CADM2: variants seen among roughly 807,000 people sequenced by gnomAD.
CADM2 encodes the protein immunoglobulin superfamily member 4D.
Under a neutral mutation model 49.8 loss-of-function variants are expected in CADM2, and 12 were observed. The observed-to-expected ratio is 0.24, with a 90% CI of 0.15 to 0.39. CADM2 has a LOEUF of 0.39. CADM2 is among the 10% of genes least tolerant of loss of function. CADM2 has a pLI of 1.00. For missense variants in CADM2, 378 were observed against 492.3 expected (o/e 0.77, Z 2.20); for synonymous variants, 214 against 175.4 (o/e 1.22, Z -1.74).
At chr3:85,070,038 C>T (rs570041750) in intron 1 of CADM2, among the ~76,000 whole-genome samples, 2 of 151,988 alleles carry the variant, frequency 1.3e-5, no homozygotes, top group African/African-American at 2.4e-5. Context: ...TCAACTTCTT[C>T]GAATTTTTTG....
intron 8 of CADM2, chr3:86,012,478 C>A: frequency 1.2e-6 from 1 of 862,490 alleles, no homozygotes; most frequent in Non-Finnish European, 1.6e-6. Flanking sequence ...CGACCTGGCT[C>A]TCCTCCGTGA....
At chr3:85,778,198 G>T (rs1462269772) in intron 2 of CADM2, among the ~76,000 whole-genome samples, 1 of 152,070 alleles carries the variant, frequency 6.6e-6, no homozygotes, top group African/African-American at 2.4e-5. Flanking sequence ...TTCGCCTGTT[G>T]AAAAGCATTA....
intron 1 of CADM2, among the ~76,000 whole-genome samples, chr3:85,118,744 TTTATTTATTTAC>T (rs2038737716): frequency 6.6e-6 from 1 of 152,132 alleles, no homozygotes. Flanking sequence ...TTTATTTATA[TTTATTTATTTAC>T]TTATTTATTT....
rs144075169 is a variant in CADM2 at position 85,590,927 on chromosome 3, A to ATTTT, written c.62-135588_62-135585dup. ...ATGAAATTTATTTATTTGGAAACTCATTTTTTTTTTGCCTGTCTTCTTGTT... is the reference window on the plus strand; with the variant it reads ...ATGAAATTTATTTATTTGGAAACTCATTTTTTTTTTTTTTGCCTGTCTTCTTGTT... On this transcript the variant is annotated intron_variant, in intron 1 of 9. Coordinates refer to ENST00000383699, the MANE Select transcript of CADM2 (RefSeq NM_001167675.2). Among the ~76,000 whole-genome samples the ATTTT allele has an allele frequency of 3.8e-3, 567 of 148,870 alleles. 5 individuals are homozygous for ATTTT. Among genetic ancestry groups the ATTTT allele is most frequent in the Admixed American group, 0.017 (251 of 14,918 alleles).
chr3:85,997,623 T>C (rs189621850), intron 8 of CADM2, among the ~76,000 whole-genome samples: 143 of 152,290 alleles, frequency 9.4e-4, no homozygotes, highest in Middle Eastern at 6.8e-3. Flanking sequence ...TTTGATGAAT[T>C]TTAGATTTCA....
chr3:85,903,647 T>C (rs570683694), intron 5 of CADM2, among the ~76,000 whole-genome samples: 2 of 152,262 alleles, frequency 1.3e-5, no homozygotes, highest in East Asian at 3.9e-4. Context: ...TGCAGTGTGA[T>C]GTCATTCCTC....
intron 1 of CADM2, among the ~76,000 whole-genome samples, chr3:85,139,252 GA>G (rs2039507371): frequency 6.6e-6 from 1 of 152,230 alleles, no homozygotes; most frequent in East Asian, 1.9e-4. Flanking sequence ...AATACACACA[GA>G]AACACAAACA....
intron 1 of CADM2, among the ~76,000 whole-genome samples, chr3:85,122,180 T>C (rs2038887975): frequency 6.6e-6 from 1 of 152,170 alleles, no homozygotes. Flanking sequence ...AAAAGCCTTT[T>C]ATTAACCATA....
At chr3:85,059,332 A>G (rs949016058) in intron 1 of CADM2, among the ~76,000 whole-genome samples, 3 of 151,978 alleles carry the variant, frequency 2.0e-5, no homozygotes, top group African/African-American at 7.2e-5. Flanking sequence ...AAAAAAAACA[A>G]CTATGCATTT....
At chr3:85,996,470 C>G (rs1729435521) in intron 8 of CADM2, among the ~76,000 whole-genome samples, 1 of 151,648 alleles carries the variant, frequency 6.6e-6, no homozygotes, top group African/African-American at 2.4e-5. Flanking sequence ...AAAATTGGAA[C>G]TAAAATTCAC....
At chr3:85,702,018 AGTT>A (rs751560872) in intron 1 of CADM2, among the ~76,000 whole-genome samples, 3 of 148,822 alleles carry the variant, frequency 2.0e-5, no homozygotes, top group African/African-American at 5.0e-5. Context: ...ATAGATAGAT[AGTT>A]GATAGATAGA....
At chr3:85,522,874 G>A (rs1303147747) in intron 1 of CADM2, among the ~76,000 whole-genome samples, 2 of 151,838 alleles carry the variant, frequency 1.3e-5, no homozygotes, top group Non-Finnish European at 2.9e-5. Context: ...GAGAAGAGAG[G>A]TCACAGGTAA....
At chr3:85,765,563 A>T (rs998985965) in intron 2 of CADM2, among the ~76,000 whole-genome samples, 2 of 151,810 alleles carry the variant, frequency 1.3e-5, no homozygotes. Flanking sequence ...GAGCTTTTCA[A>T]TTTCCTCTAA....
chr3:86,011,740 C>A, intron 8 of CADM2, among the ~76,000 whole-genome samples: 1 of 151,538 alleles, frequency 6.6e-6, no homozygotes, highest in African/African-American at 2.4e-5. Context: ...TGAGACTGTC[C>A]AAGAGAAATA....
At chr3:85,668,613 A>G (rs2065646153) in intron 1 of CADM2, among the ~76,000 whole-genome samples, 1 of 152,068 alleles carries the variant, frequency 6.6e-6, no homozygotes, top group Non-Finnish European at 1.5e-5. Flanking sequence ...GTTTCCCTGG[A>G]CAAGCTTTCT....
intron 1 of CADM2, among the ~76,000 whole-genome samples, chr3:85,215,371 A>G (rs1235635161): frequency 1.3e-4 from 19 of 151,426 alleles, no homozygotes; most frequent in Non-Finnish European, 2.4e-4. Flanking sequence ...AAAAAAAAAA[A>G]AAAAAAAAAA....
chr3:85,997,081 G>C (rs1729520836), intron 8 of CADM2, among the ~76,000 whole-genome samples: 1 of 152,096 alleles, frequency 6.6e-6, no homozygotes. Flanking sequence ...CAAGGTCAAG[G>C]CTGTCACTTT....
chr3:85,345,705 T>C (rs888804113), intron 1 of CADM2, among the ~76,000 whole-genome samples: 4 of 152,146 alleles, frequency 2.6e-5, no homozygotes, highest in African/African-American at 9.7e-5. Flanking sequence ...CAAAGCACGA[T>C]TGGGTTGGTT....
intron 1 of CADM2, among the ~76,000 whole-genome samples, chr3:85,078,066 G>T (rs2037016425): frequency 6.6e-6 from 1 of 151,894 alleles, no homozygotes; most frequent in South Asian, 2.1e-4. Context: ...AATTATACGT[G>T]GAATGTATAT....
Sources: gnomAD v4.1 joint callset for allele counts (sites outside exome capture counted in the v4.1 genomes callset) on GRCh38, gnomAD v4.1.1 for gene constraint, MANE v1.5 for transcripts, NCBI Gene and HGNC (gene_info 2026-07-23, HGNC 2026-07-21) for gene names.